PTPRK: variants seen among roughly 807,000 people sequenced by gnomAD.
PTPRK encodes the protein protein tyrosine phosphatase receptor type K.
PTPRK carries 75 observed loss-of-function variants against 178.0 expected under a neutral mutation model. The observed-to-expected ratio is 0.42, with a 90% CI of 0.35 to 0.51. The LOEUF (loss-of-function observed/expected upper bound fraction) is 0.51, where lower values mean the gene tolerates loss of function less well. Ranked by LOEUF, PTPRK falls within the 20% of genes least tolerant of loss-of-function variation. The probability of loss-of-function intolerance (pLI) is 0.02; values close to 1 mark genes in which losing one functional copy is unlikely to be tolerated. For synonymous variants in PTPRK, 637 were observed against 620.6 expected (o/e 1.03, Z -0.39); for missense variants, 1,441 against 1,797.8 (o/e 0.80, Z 3.59).
chr6:128,133,731 T>C lies in PTPRK; in HGVS notation c.1163-43739A>G, dbSNP rs540950484. 5.6e-3 allele frequency among the ~76,000 whole-genome samples: 851 copies of C among 151,090 alleles called. 3 individuals are homozygous for C. The highest frequency in any genetic ancestry group is 0.018 in the African/African-American group (732 of 41,348). ...CTAAAGAAAGGCTTTTTTTTTTTTT[T>C]CCCCTGAGACAGGGTCTCGCTATGT... On this transcript the variant is annotated intron_variant, in intron 7 of 29. Transcript: ENST00000368226.
At chr6:128,298,494 A>C (rs1824918664) in intron 3 of PTPRK, among the ~76,000 whole-genome samples, 1 of 151,950 alleles carries the variant, frequency 6.6e-6, no homozygotes, top group East Asian at 1.9e-4. Context: ...AACCGAATCC[A>C]GCAGCACATC....
chr6:128,200,583 A>T (rs928992727), intron 6 of PTPRK, among the ~76,000 whole-genome samples: 1 of 151,726 alleles, frequency 6.6e-6, no homozygotes, highest in Non-Finnish European at 1.5e-5. Context: ...GATAAAATTA[A>T]AAATAGCCAG....
chr6:128,177,671 A>C (rs1293790606), intron 7 of PTPRK, among the ~76,000 whole-genome samples: 1 of 151,804 alleles, frequency 6.6e-6, no homozygotes, highest in Non-Finnish European at 1.5e-5. Context: ...ATGTATGACT[A>C]ACTGTACAAC....
At chr6:128,063,192 C>T (rs951469853) in intron 13 of PTPRK, among the ~76,000 whole-genome samples, 1 of 152,140 alleles carries the variant, frequency 6.6e-6, no homozygotes, top group Non-Finnish European at 1.5e-5. Flanking sequence ...TGTAGCAGAG[C>T]TGGATTATTA....
intron 1 of PTPRK, among the ~76,000 whole-genome samples, chr6:128,518,012 T>A (rs186524648): frequency 1.3e-5 from 2 of 152,254 alleles, no homozygotes; most frequent in Non-Finnish European, 2.9e-5. Context: ...CAATAAAATA[T>A]CAAATGATTT....
At chr6:128,151,885 T>C (rs368055141) in intron 7 of PTPRK, among the ~76,000 whole-genome samples, 13 of 152,072 alleles carry the variant, frequency 8.5e-5, no homozygotes, top group East Asian at 3.9e-4. Flanking sequence ...TAGAGTATAA[T>C]CAGGGAAACT....
chr6:128,421,381 G>A (rs371015498), intron 1 of PTPRK, among the ~76,000 whole-genome samples: 6 of 152,092 alleles, frequency 3.9e-5, no homozygotes, highest in South Asian at 4.2e-4. Flanking sequence ...TAAGAACATC[G>A]GTATTTGTGG....
chr6:128,073,918 T>C (rs953139697), intron 11 of PTPRK, among the ~76,000 whole-genome samples: 3 of 152,074 alleles, frequency 2.0e-5, no homozygotes, highest in Admixed American at 2.0e-4. Flanking sequence ...TAGGTCAGGA[T>C]AGTGGTTAGG....
intron 2 of PTPRK, among the ~76,000 whole-genome samples, chr6:128,385,110 T>C (rs1838512344): frequency 6.7e-6 from 1 of 148,798 alleles, no homozygotes; most frequent in African/African-American, 2.4e-5. Flanking sequence ...TTAATATTAA[T>C]AATTTTAAAA....
intron 2 of PTPRK, among the ~76,000 whole-genome samples, chr6:128,376,503 C>T (rs950004414): frequency 1.5e-4 from 23 of 152,138 alleles, no homozygotes; most frequent in Admixed American, 4.6e-4. Flanking sequence ...TCTCCTAGCC[C>T]TCTGAGCCTG....
chr6:128,271,426 C>A (rs1819802866), intron 3 of PTPRK, among the ~76,000 whole-genome samples: 1 of 152,130 alleles, frequency 6.6e-6, no homozygotes, highest in South Asian at 2.1e-4. Flanking sequence ...AGGTTGAAAG[C>A]AGATGATTTT....
chr6:128,224,606 G>A (rs139807089), intron 5 of PTPRK, among the ~76,000 whole-genome samples: 2 of 152,266 alleles, frequency 1.3e-5, no homozygotes, highest in African/African-American at 2.4e-5. Flanking sequence ...GATATTACAC[G>A]TGGAGACACA....
intron 7 of PTPRK, among the ~76,000 whole-genome samples, chr6:128,121,139 C>T (rs76376619): frequency 0.026 from 3,905 of 151,834 alleles, 76 homozygotes; most frequent in Middle Eastern, 0.092. Context: ...ACTACAAAAT[C>T]AAAAACTTTG....
At chr6:128,385,241 AAG>A (rs1838535854) in intron 2 of PTPRK, among the ~76,000 whole-genome samples, 1 of 152,008 alleles carries the variant, frequency 6.6e-6, no homozygotes, top group Non-Finnish European at 1.5e-5. Flanking sequence ...TAAAAATTTC[AAG>A]AGGTCTTTTC....
chr6:128,243,126 A>G (rs958577869), intron 3 of PTPRK, among the ~76,000 whole-genome samples: 2 of 152,136 alleles, frequency 1.3e-5, no homozygotes, highest in Non-Finnish European at 2.9e-5. Context: ...GCATGTTTGG[A>G]AAACTAAATA....
chr6:128,100,519 A>G (rs1389212167), intron 7 of PTPRK, among the ~76,000 whole-genome samples: 1 of 151,974 alleles, frequency 6.6e-6, no homozygotes, highest in Non-Finnish European at 1.5e-5. Context: ...ACATCCATAC[A>G]CTGAAACATT....
chr6:128,473,144 C>T (rs935749268), intron 1 of PTPRK, among the ~76,000 whole-genome samples: 10 of 151,998 alleles, frequency 6.6e-5, no homozygotes, highest in African/African-American at 2.4e-4. Context: ...TCCTTTAATG[C>T]AAAACAGTTC....
In PTPRK at chr6:128,405,793, C is replaced by T. The variant is rs922555141; in HGVS notation, c.101-8105G>A. ...TATGAAGGGACGTAAAACAGAATTC[C>T]GTGACCCAACCTCCTAGAGGAAGGG... On this transcript the variant is annotated intron_variant, in intron 1 of 29. Transcript: ENST00000368226. 2.6e-5 allele frequency among the ~76,000 whole-genome samples: 4 copies of T among 151,796 alleles called. No individual in the cohort carries two copies. The East Asian group carries it at 5.8e-4, about 22-fold the overall frequency.
chr6:128,153,082 A>G (rs923505231), intron 7 of PTPRK, among the ~76,000 whole-genome samples: 2 of 152,038 alleles, frequency 1.3e-5, no homozygotes, highest in Non-Finnish European at 2.9e-5. Context: ...AACCAAGGAT[A>G]CTTTTTGCCT....
Sources: gnomAD v4.1 joint callset for allele counts (sites outside exome capture counted in the v4.1 genomes callset) on GRCh38, gnomAD v4.1.1 for gene constraint, MANE v1.5 for transcripts, NCBI Gene and HGNC (gene_info 2026-07-23, HGNC 2026-07-21) for gene names.